ASB11: variants seen among roughly 807,000 people sequenced by gnomAD.
The protein encoded by ASB11 is ankyrin repeat and SOCS box containing 11.
A neutral mutation model predicts 20.1 loss-of-function variants in ASB11; 17 were observed. The ratio of observed to expected loss-of-function variants is 0.85; its 90% CI spans 0.58 to 1.27. The LOEUF is 1.27. ASB11 is among the 50% of genes most tolerant of loss of function. The pLI is 0.00. For missense variants in ASB11, 259 were observed against 256.9 expected, an observed-to-expected ratio of 1.01 and a Z score of -0.06; for synonymous variants, 107 against 105.6, an observed-to-expected ratio of 1.01 and a Z score of -0.08.
chrX:15,284,098 A>G (rs1456034488), intron 6 of ASB11, among the ~76,000 whole-genome samples: 2 of 106,381 alleles, frequency 1.9e-5, no homozygotes, highest in Admixed American at 1.0e-4. Flanking sequence ...TAAAAATACA[A>G]AAAATTAGCC....
At chrX:15,284,024 G>T (rs752044536) in intron 6 of ASB11, among the ~76,000 whole-genome samples, 1 of 109,756 alleles carries the variant, frequency 9.1e-6, no homozygotes, top group South Asian at 3.9e-4. Context: ...AGGCCAAGGT[G>T]GGCGGATCAC....
rs184692352 is a variant in ASB11 at position 15,308,794 on chromosome X, T to A, written c.182-5987A>T. Among the ~76,000 whole-genome samples, 446 of 111,905 alleles carry A rather than the reference T, an allele frequency of 4.0e-3. 3 individuals carry two copies. Among genetic ancestry groups the A allele is most frequent in the African/African-American group, 0.013 (407 of 30,795 alleles). On this transcript the variant is annotated intron_variant, in intron 1 of 6. Transcript: ENST00000480796. ...TCGTGGTAGATTGACTTGTCTTGGGTTGCTCTGACATCCACCTCCTCTTTA... is the reference window on the plus strand; with the variant it reads ...TCGTGGTAGATTGACTTGTCTTGGGATGCTCTGACATCCACCTCCTCTTTA...
rs755120002 is a variant in ASB11, at chrX:15,282,620, T to C, written c.*885A>G. ...TTCAGGTTGTTGGGGACACCCAGTG[T>C]TCTCAATCCTAGAACTGCTTACTTC... On this transcript the variant is annotated 3_prime_UTR_variant, in exon 7 of 7. Transcript: ENST00000480796. 13 of 110,909 alleles carry C rather than the reference T, an allele frequency of 1.2e-4. No individual in the cohort carries two copies. Among genetic ancestry groups the C allele is most frequent in the Non-Finnish European group, 1.9e-4 (10 of 53,040 alleles). The allele number at this position is 110,909 out of a possible 1,213,427, so 9.1% of individuals were successfully genotyped here. A position where few individuals can be genotyped will look rare whatever the true frequency, so the allele number is the denominator to read the frequency against.
At chrX:15,308,248 G>A (rs1291696208) in intron 1 of ASB11, among the ~76,000 whole-genome samples, 2 of 112,107 alleles carry the variant, frequency 1.8e-5, no homozygotes, top group African/African-American at 3.2e-5. Context: ...CTACCCATTG[G>A]CATTTGGCCA....
intron 1 of ASB11, among the ~76,000 whole-genome samples, chrX:15,309,410 T>C (rs765095102): frequency 3.9e-4 from 43 of 109,354 alleles, no homozygotes; most frequent in African/African-American, 1.4e-3. Context: ...GATGGGACCA[T>C]CTAGTTGCAG....
At chrX:15,309,724 T>G (rs1315836114) in intron 1 of ASB11, among the ~76,000 whole-genome samples, 1 of 109,010 alleles carries the variant, frequency 9.2e-6, no homozygotes, top group Non-Finnish European at 1.9e-5. Flanking sequence ...TCCCAGCACT[T>G]TGGGAGACTG....
At chrX:15,308,853 G>A (rs946251930) in intron 1 of ASB11, among the ~76,000 whole-genome samples, 4 of 111,565 alleles carry the variant, frequency 3.6e-5, no homozygotes, top group South Asian at 7.6e-4. Context: ...GGGCCATTCC[G>A]TGGCCTGTTA....
At chrX:15,284,400 C>T (rs1927315222) in intron 6 of ASB11, among the ~76,000 whole-genome samples, 1 of 111,373 alleles carries the variant, frequency 9.0e-6, no homozygotes, top group Admixed American at 9.6e-5. Context: ...GGAAGTTCCA[C>T]CTGCGTGGTG....
At chrX:15,308,511 G>C (rs1921316862) in intron 1 of ASB11, among the ~76,000 whole-genome samples, 1 of 111,397 alleles carries the variant, frequency 9.0e-6, no homozygotes, top group Non-Finnish European at 1.9e-5. Context: ...GAAATTCCAG[G>C]CTCCCCTCCT....
rs1449441477 is a variant in ASB11, at chrX:15,297,643, A to T, written c.300T>A (p.Ser100=). ...CTCCAAGGCATGCCTCGTGGAGAGA[A>T]GACACCCGGTTAATTGTCACAAGGT... ...NVNLVTINRV[S]SLHEACLGGH... Residue 100 remains serine, a synonymous_variant, in exon 3 of 7, where the codon TCT becomes TCA. Coordinates refer to ENST00000480796, the MANE Select transcript of ASB11 (RefSeq NM_080873.3). The T allele has an allele frequency of 5.8e-6, 7 of 1,210,779 alleles. No individual in the cohort carries two copies. Among genetic ancestry groups the T allele is most frequent in the Non-Finnish European group, 7.8e-6 (7 of 894,831 alleles).
Position 15,296,243 on chromosome X carries a change from ACT to A in ASB11, c.369+1329_369+1330del, listed in dbSNP as rs944554634. ...CAGCTTGGGCAACAGTGTTAGTGAG[ACT>A]CTGTCTAAAAATAAAAAGATGGAAA... On this transcript the variant is annotated intron_variant, in intron 3 of 6. Transcript: ENST00000480796. Among the ~76,000 whole-genome samples, 7 of 106,734 alleles carry A rather than the reference ACT, an allele frequency of 6.6e-5. 1 individual carries two copies. In the South Asian group the frequency reaches 2.1e-3, roughly 33 times the overall value. 92.7% of individuals were successfully genotyped at this position (106,734 alleles called of 115,157 possible).
chrX:15,286,006 AAATAAT>A, intron 6 of ASB11, among the ~76,000 whole-genome samples: 1 of 109,199 alleles, frequency 9.2e-6, no homozygotes, highest in East Asian at 2.9e-4. Context: ...ACTCCGTCTA[AAATAAT>A]AATAATAATA....
At chrX:15,308,455 G>C (rs1384317387) in intron 1 of ASB11, among the ~76,000 whole-genome samples, 1 of 111,627 alleles carries the variant, frequency 9.0e-6, no homozygotes, top group East Asian at 2.8e-4. Context: ...TCTGGCATGG[G>C]GGGTTCAGCA....
chrX:15,310,352 GT>G (rs1354369307), intron 1 of ASB11, among the ~76,000 whole-genome samples: 2 of 112,192 alleles, frequency 1.8e-5, no homozygotes, highest in Non-Finnish European at 3.8e-5. Context: ...TCTATTTTTA[GT>G]TTTTTGGCAG....
chrX:15,284,120 C>T lies in ASB11; in HGVS notation c.848-491G>A, dbSNP rs747874298. 2.8e-3 allele frequency among the ~76,000 whole-genome samples: 295 copies of T among 106,718 alleles called. 2 individuals are homozygous for T. Among genetic ancestry groups the T allele is most frequent in the Middle Eastern group, 9.4e-3 (2 of 213 alleles). 92.7% of individuals were successfully genotyped at this position (106,718 alleles called of 115,157 possible). On this transcript the variant is annotated intron_variant, in intron 6 of 6. Coordinates refer to ENST00000480796, the MANE Select transcript of ASB11 (RefSeq NM_080873.3). ...ACAAAAAATTAGCCGGGTGTGGTGG[C>T]GGGTGCCTATAGTCCCAGCTACTCG...
At chrX:15,296,116 G>C (rs930584751) in intron 3 of ASB11, among the ~76,000 whole-genome samples, 14 of 111,606 alleles carry the variant, frequency 1.3e-4, no homozygotes, top group Admixed American at 1.2e-3. Flanking sequence ...GGACGTGGTG[G>C]CGGGCACCTG....
intron 3 of ASB11, among the ~76,000 whole-genome samples, chrX:15,294,968 T>C (rs1359606915): frequency 8.9e-6 from 1 of 112,337 alleles, no homozygotes; most frequent in Non-Finnish European, 1.9e-5. Flanking sequence ...TTGCCTCTCC[T>C]TGAGTGGGCT....
intron 6 of ASB11, among the ~76,000 whole-genome samples, chrX:15,286,440 G>A (rs768662465): frequency 3.7e-4 from 41 of 109,530 alleles, no homozygotes; most frequent in African/African-American, 1.3e-3. Context: ...GCTGAGGCGG[G>A]CGGATCACAA....
chrX:15,293,539 G>A (rs1204362214), intron 3 of ASB11, among the ~76,000 whole-genome samples: 7 of 111,823 alleles, frequency 6.3e-5, no homozygotes, highest in Non-Finnish European at 1.1e-4. Flanking sequence ...CACCCAGTAA[G>A]CACTCAATAA....
Sources: gnomAD v4.1 joint callset for allele counts (sites outside exome capture counted in the v4.1 genomes callset) on GRCh38, gnomAD v4.1.1 for gene constraint, MANE v1.5 for transcripts, NCBI Gene and HGNC (gene_info 2026-07-23, HGNC 2026-07-21) for gene names.